NRXN3: variants seen among roughly 807,000 people sequenced by gnomAD.
NRXN3 encodes neurexin 3.
NRXN3 carries 32 observed loss-of-function variants against 137.6 expected under a neutral mutation model. The ratio of observed to expected loss-of-function variants is 0.23; its 90% CI spans 0.18 to 0.31. The LOEUF (loss-of-function observed/expected upper bound fraction) is 0.31. Among genes scored for constraint, NRXN3 ranks in the 10% least tolerant of loss-of-function variants. The probability of loss-of-function intolerance (pLI) is 1.00; values close to 1 mark genes in which losing one functional copy is unlikely to be tolerated. For synonymous variants in NRXN3, 798 were observed against 784.5 expected (o/e 1.02, Z -0.29); for missense variants, 1,574 against 2,062.5 (o/e 0.76, Z 4.59).
chr14:78,649,386 T>G (rs1601866692), intron 5 of NRXN3: 3 of 498,070 alleles, frequency 6.0e-6, no homozygotes, highest in East Asian at 2.0e-4. Context: ...CAACCCCCCC[T>G]TTTATCCTCT....
chr14:78,815,065 T>C (rs1434366144), intron 10 of NRXN3, among the ~76,000 whole-genome samples: 2 of 152,222 alleles, frequency 1.3e-5, no homozygotes. Flanking sequence ...ATGGAGTGTA[T>C]ATGTGGCATG....
chr14:78,603,996 C>T (rs539015137), intron 4 of NRXN3, among the ~76,000 whole-genome samples: 4 of 152,168 alleles, frequency 2.6e-5, no homozygotes, highest in African/African-American at 9.7e-5. Context: ...AATGGACTCA[C>T]AGTTCCACTT....
chr14:79,840,382 A>T (rs1317555518), intron 20 of NRXN3, among the ~76,000 whole-genome samples: 8 of 152,140 alleles, frequency 5.3e-5, no homozygotes, highest in African/African-American at 1.7e-4. Flanking sequence ...GCAAAAAAGT[A>T]AATCTTCAGA....
At chr14:78,411,773 G>T (rs2092843328) in intron 4 of NRXN3, among the ~76,000 whole-genome samples, 1 of 152,136 alleles carries the variant, frequency 6.6e-6, no homozygotes, top group South Asian at 2.1e-4. Flanking sequence ...ATGGGGCCAG[G>T]GTGGCTGCCA....
intron 15 of NRXN3, among the ~76,000 whole-genome samples, chr14:79,024,270 C>T (rs961466216): frequency 1.3e-5 from 2 of 152,180 alleles, no homozygotes; most frequent in East Asian, 1.9e-4. Context: ...CCTTTTGCTT[C>T]CCTCTCTCCT....
At chr14:79,131,758 C>A (rs545759412) in intron 15 of NRXN3, among the ~76,000 whole-genome samples, 1 of 152,214 alleles carries the variant, frequency 6.6e-6, no homozygotes, top group African/African-American at 2.4e-5. Context: ...TGGGCAATGG[C>A]GAGTGCCCCT....
At position 78,967,209 on chromosome 14, in the gene NRXN3, T is replaced by G; in HGVS notation, c.2779T>G (p.Tyr927Asp). 1 of 1,604,150 alleles carries G rather than the reference T, an allele frequency of 6.2e-7. No individual in the cohort carries two copies. The highest frequency in any genetic ancestry group is 8.5e-7 in the Non-Finnish European group (1 of 1,173,336). Residue 927 changes from tyrosine to aspartate, a missense_variant and splice_region_variant, in exon 13 of 21, where the codon TAT becomes GAT. By Grantham distance (160) the Tyr-to-Asp change is radical (BLOSUM62 -3). Coordinates refer to ENST00000335750, the MANE Select transcript of NRXN3 (RefSeq NM_001330195.2). ...GTTTTTTTTTTTTTTTCTTCCTAGGTATATACACTACGTTTTTGACCTCGG... is the reference window on the plus strand; with the variant it reads ...GTTTTTTTTTTTTTTTCTTCCTAGGGATATACACTACGTTTTTGACCTCGG... ...DFIAVELVKG[Y>D]IHYVFDLGNG...
chr14:79,727,465 G>A (rs2098897898), intron 19 of NRXN3, among the ~76,000 whole-genome samples: 1 of 152,194 alleles, frequency 6.6e-6, no homozygotes, highest in African/African-American at 2.4e-5. Flanking sequence ...TCAACAAAGA[G>A]CAAGGGACAG....
At chr14:78,392,406 T>C (rs181919003) in intron 4 of NRXN3, among the ~76,000 whole-genome samples, 1 of 152,342 alleles carries the variant, frequency 6.6e-6, no homozygotes, top group Non-Finnish European at 1.5e-5. Context: ...ACAGGAATTC[T>C]ATCCTGTGAT....
intron 4 of NRXN3, among the ~76,000 whole-genome samples, chr14:78,372,700 G>A (rs991027852): frequency 2.0e-5 from 3 of 152,150 alleles, no homozygotes; most frequent in Non-Finnish European, 4.4e-5. Flanking sequence ...TATTGGTGCT[G>A]TGCATGTTAT....
chr14:78,255,808 A>G (rs1170278126), intron 2 of NRXN3, among the ~76,000 whole-genome samples: 1 of 152,170 alleles, frequency 6.6e-6, no homozygotes, highest in East Asian at 1.9e-4. Context: ...ATGTGCACAT[A>G]TGTGTCTGTA....
At chr14:79,348,042 G>A (rs1415159617) in intron 15 of NRXN3, among the ~76,000 whole-genome samples, 1 of 151,606 alleles carries the variant, frequency 6.6e-6, no homozygotes, top group African/African-American at 2.4e-5. Context: ...CATAACCTTT[G>A]TGCTTCCTTT....
Position 79,467,355 on chromosome 14 carries a change from C to T in NRXN3, c.3397C>T (p.Arg1133Cys), listed in dbSNP as rs1398898494. Residue 1133 changes from arginine to cysteine, a missense_variant, in exon 16 of 21, where the codon CGC (arginine) becomes TGC (cysteine). Around this residue, in one of 5 missense-constraint regions of NRXN3, gnomAD observed 133 missense variants for 241.8 expected, o/e 0.55. Coordinates refer to ENST00000335750, the MANE Select transcript of NRXN3 (RefSeq NM_001330195.2). ...CACTGTGAAGGATGGCATCTTGGTC[C>T]GCATCGACAGTGCTCCAGGACTTGG... is the stretch of plus-strand genomic sequence containing the variant. Reference protein sequence around the residue: ...STTVKDGILVRIDSAPGLGDF... With the variant: ...STTVKDGILVCIDSAPGLGDF... The T allele has an allele frequency of 1.2e-6, 2 of 1,612,496 alleles. No homozygotes were observed. Among genetic ancestry groups the T allele is most frequent in the Admixed American group, 1.7e-5 (1 of 59,986 alleles).
intron 10 of NRXN3, among the ~76,000 whole-genome samples, chr14:78,836,526 A>G (rs914481625): frequency 5.9e-5 from 9 of 152,194 alleles, no homozygotes; most frequent in Non-Finnish European, 1.3e-4. Flanking sequence ...ATGTGCAGTA[A>G]TTCTGATGTA....
chr14:79,341,835 T>C (rs1418455146), intron 15 of NRXN3, among the ~76,000 whole-genome samples: 1 of 152,134 alleles, frequency 6.6e-6, no homozygotes, highest in Non-Finnish European at 1.5e-5. Context: ...CAGATCCAAG[T>C]AAGACCCCAA....
chr14:78,223,177 T>A (rs1238027534), intron 1 of NRXN3, among the ~76,000 whole-genome samples: 1 of 152,228 alleles, frequency 6.6e-6, no homozygotes, highest in African/African-American at 2.4e-5. Context: ...AGACCTCAGT[T>A]TGTCCACCTG....
intron 15 of NRXN3, among the ~76,000 whole-genome samples, chr14:79,052,699 G>C (rs1238067199): frequency 6.6e-6 from 1 of 152,200 alleles, no homozygotes; most frequent in Non-Finnish European, 1.5e-5. Flanking sequence ...CATCTCATGA[G>C]GAATTATCTC....
intron 1 of NRXN3, among the ~76,000 whole-genome samples, chr14:78,235,628 A>G (rs1222268913): frequency 6.6e-6 from 1 of 151,022 alleles, no homozygotes; most frequent in Non-Finnish European, 1.5e-5. Context: ...GTTAAAGGTT[A>G]AAAAAAAAGT....
chr14:78,554,205 A>G (rs1047267307), intron 4 of NRXN3, among the ~76,000 whole-genome samples: 4 of 152,170 alleles, frequency 2.6e-5, no homozygotes, highest in Non-Finnish European at 4.4e-5. Flanking sequence ...TAGGAGGATG[A>G]CTGAGGTGAG....
Sources: gnomAD v4.1 joint callset for allele counts (sites outside exome capture counted in the v4.1 genomes callset) on GRCh38, gnomAD v4.1.1 for gene constraint, gnomAD v4.1.1 regional missense constraint, MANE v1.5 for transcripts, NCBI Gene and HGNC (gene_info 2026-07-23, HGNC 2026-07-21) for gene names.